The following LY6S variants were observed in gnomAD, a reference collection of about 807,000 sequenced individuals.
The protein encoded by LY6S is lymphocyte antigen 6S.
chr8:143,060,717 C>T, the LY6S span, among the ~76,000 whole-genome samples: 4 of 152,160 alleles, frequency 2.6e-5, no homozygotes, highest in Non-Finnish European at 5.9e-5. Flanking sequence ...GCTGTCTTTT[C>T]TTCTATCTCT....
the LY6S span, among the ~76,000 whole-genome samples, chr8:143,048,973 A>T: frequency 1.3e-5 from 2 of 152,156 alleles, no homozygotes; most frequent in Admixed American, 1.3e-4. Context: ...TGAGGCAGGG[A>T]AAGGCTCGCT....
the LY6S span, chr8:143,043,250 C>T: frequency 1.5e-6 from 2 of 1,364,398 alleles, no homozygotes; most frequent in Non-Finnish European, 9.8e-7. Context: ...TCTGGGAGTC[C>T]ACAACGGCAC....
the LY6S span, among the ~76,000 whole-genome samples, chr8:143,060,272 AGCACCTCTTGTGGAG>A: frequency 1.3e-5 from 2 of 152,220 alleles, no homozygotes; most frequent in African/African-American, 4.8e-5. Flanking sequence ...ACTCTGCTCC[AGCACCTCTTGTGGAG>A]GGCCTGACAT....
the LY6S span, among the ~76,000 whole-genome samples, chr8:143,050,574 G>C: frequency 1.4e-3 from 215 of 152,226 alleles, 1 homozygote; most frequent in South Asian, 9.5e-3. Context: ...GCTCTTGGGA[G>C]GAAGACTTGC....
At chr8:143,064,576 G>T in the LY6S span, among the ~76,000 whole-genome samples, 3,168 of 152,254 alleles carry the variant, frequency 0.021, 65 homozygotes, top group East Asian at 0.065. Context: ...TTGAAATCCT[G>T]GTGGGAGCAC....
chr8:143,063,853 A>C, the LY6S span, among the ~76,000 whole-genome samples: 1 of 152,202 alleles, frequency 6.6e-6, no homozygotes, highest in Non-Finnish European at 1.5e-5. Flanking sequence ...GGTGAGGCTC[A>C]TGGATCATGA....
At chr8:143,058,236 A>G in the LY6S span, among the ~76,000 whole-genome samples, 3 of 152,172 alleles carry the variant, frequency 2.0e-5, no homozygotes, top group African/African-American at 4.8e-5. Context: ...AAGAAAAGAC[A>G]GCTGGGCCCA....
the LY6S span, among the ~76,000 whole-genome samples, chr8:143,048,580 G>A: frequency 0.019 from 2,873 of 148,360 alleles, 63 homozygotes; most frequent in African/African-American, 0.058. Flanking sequence ...CGATTCTCCC[G>A]CCTCAGCCTC....
chr8:143,068,966 G>A, the LY6S span, among the ~76,000 whole-genome samples: 3 of 152,150 alleles, frequency 2.0e-5, no homozygotes, highest in Non-Finnish European at 4.4e-5. Context: ...AGGGTCCTGG[G>A]AGTTGGAAAC....
chr8:143,065,783 T>TTCTCTCTC, the LY6S span: 1 of 115,224 alleles, frequency 8.7e-6, no homozygotes, highest in African/African-American at 3.9e-5. Context: ...CTTTCTTTCT[T>TTCTCTCTC]TTTCTTTCTT....
At chr8:143,065,307 G>A in the LY6S span, among the ~76,000 whole-genome samples, 1 of 152,112 alleles carries the variant, frequency 6.6e-6, no homozygotes. Context: ...GGTTTGGGAG[G>A]TTTTCTCTTC....
chr8:143,051,474 G>A, the LY6S span, among the ~76,000 whole-genome samples: 1 of 152,004 alleles, frequency 6.6e-6, no homozygotes, highest in East Asian at 1.9e-4. Context: ...TGGGGAGGCA[G>A]AGGTTGCAGC....
the LY6S span, among the ~76,000 whole-genome samples, chr8:143,073,274 T>G: frequency 6.7e-6 from 1 of 150,044 alleles, no homozygotes; most frequent in Admixed American, 6.6e-5. Flanking sequence ...GGGGTCCCTG[T>G]TCGAGGAGAC....
chr8:143,053,979 A>G, the LY6S span: 1 of 152,080 alleles, frequency 6.6e-6, no homozygotes, highest in Non-Finnish European at 1.5e-5. Flanking sequence ...AGCTCAATAT[A>G]TCCTCTGGGG....
the LY6S span, among the ~76,000 whole-genome samples, chr8:143,058,782 C>T: frequency 2.6e-5 from 4 of 152,236 alleles, no homozygotes; most frequent in Non-Finnish European, 5.9e-5. Context: ...CTCGGTCCGC[C>T]TGGCAACCGG....
At chr8:143,071,870 C>T in the LY6S span, among the ~76,000 whole-genome samples, 17 of 152,216 alleles carry the variant, frequency 1.1e-4, no homozygotes, top group Admixed American at 5.2e-4. Context: ...CAGAGCCACA[C>T]GGGAGGGAGT....
the LY6S span, among the ~76,000 whole-genome samples, chr8:143,068,882 G>A: frequency 2.6e-5 from 4 of 152,108 alleles, no homozygotes; most frequent in African/African-American, 7.2e-5. Context: ...GTCACTGCAG[G>A]AGTGAGCTGG....
At chr8:143,050,772 G>A in the LY6S span, among the ~76,000 whole-genome samples, 1 of 152,158 alleles carries the variant, frequency 6.6e-6, no homozygotes, top group Non-Finnish European at 1.5e-5. Flanking sequence ...GGTGCTGAAT[G>A]GCTCACGGAT....
At chr8:143,059,263 C>T in the LY6S span, among the ~76,000 whole-genome samples, 19 of 152,128 alleles carry the variant, frequency 1.2e-4, no homozygotes, top group Admixed American at 7.9e-4. Context: ...TCTGATAGTG[C>T]TTTTGTGGAG....
Sources: gnomAD v4.1 joint callset for allele counts (sites outside exome capture counted in the v4.1 genomes callset) on GRCh38, gnomAD v4.1.1 for gene constraint, MANE v1.5 for transcripts, NCBI Gene and HGNC (gene_info 2026-07-23, HGNC 2026-07-21) for gene names.